The following DPP10 variants were observed in gnomAD, a reference collection of about 807,000 sequenced individuals.
The protein encoded by DPP10 is dipeptidyl peptidase like 10.
A neutral mutation model predicts 120.9 loss-of-function variants in DPP10; 33 were observed. The ratio of observed to expected loss-of-function variants is 0.27; its 90% confidence interval spans 0.21 to 0.37. The LOEUF is 0.37. DPP10 is among the 10% of genes least tolerant of loss of function. The probability of loss-of-function intolerance (pLI) is 1.00; values close to 1 mark genes in which losing one functional copy is unlikely to be tolerated. For missense variants in DPP10, 816 were observed against 942.8 expected (o/e 0.87, Z 1.76); for synonymous variants, 337 against 326.1 (o/e 1.03, Z -0.36).
At position 115,844,953 on chromosome 2, in the gene DPP10, G is replaced by T. The variant is rs534921415; in HGVS notation, c.*2608G>T. ...AGTTTCCTGACAGAACTAAAGGAAG[G>T]AATCACTCTTCAAAAGATGGATCTC... On this transcript the variant is annotated 3_prime_UTR_variant, in exon 26 of 26. Transcript: ENST00000410059. The T allele has an allele frequency of 7.8e-4, 119 of 152,262 alleles. 1 individual carries two copies. The highest frequency in any genetic ancestry group is 3.4e-3 in the Middle Eastern group (1 of 294). 9.4% of individuals were successfully genotyped at this position (152,262 alleles called of 1,614,324 possible).
chr2:115,682,825 T>C (rs980242544), intron 5 of DPP10, among the ~76,000 whole-genome samples: 1 of 151,852 alleles, frequency 6.6e-6, no homozygotes, highest in African/African-American at 2.4e-5. Context: ...GCATTTACAG[T>C]TAGAGAGTAT....
intron 1 of DPP10, among the ~76,000 whole-genome samples, chr2:114,552,730 G>C (rs969936595): frequency 6.6e-6 from 1 of 152,024 alleles, no homozygotes; most frequent in Non-Finnish European, 1.5e-5. Context: ...ATTTTTAGTA[G>C]AGATGGGGTT....
chr2:114,550,321 C>T (rs1573629443), intron 1 of DPP10, among the ~76,000 whole-genome samples: 1 of 152,194 alleles, frequency 6.6e-6, no homozygotes, highest in East Asian at 1.9e-4. Flanking sequence ...TACATATTTG[C>T]CAGGCACAGT....
intron 3 of DPP10, among the ~76,000 whole-genome samples, chr2:115,379,641 T>C (rs1445743524): frequency 6.6e-6 from 1 of 152,174 alleles, no homozygotes; most frequent in Non-Finnish European, 1.5e-5. Context: ...TTAATTGTGA[T>C]GTCAGGGTGT....
At chr2:114,693,000 C>G (rs1043995397) in intron 1 of DPP10, among the ~76,000 whole-genome samples, 27 of 152,012 alleles carry the variant, frequency 1.8e-4, no homozygotes, top group African/African-American at 6.3e-4. Flanking sequence ...CTTTTGAAGA[C>G]AGCATAGTGA....
chr2:115,780,086 G>C (rs970440760), intron 15 of DPP10, among the ~76,000 whole-genome samples: 57 of 151,978 alleles, frequency 3.8e-4, no homozygotes, highest in African/African-American at 1.3e-3. Context: ...CCTTTTGTCT[G>C]ATCAAGTTTT....
intron 4 of DPP10, among the ~76,000 whole-genome samples, chr2:115,508,342 T>C (rs914661915): frequency 7.5e-6 from 1 of 133,614 alleles, no homozygotes; most frequent in African/African-American, 2.5e-5. Flanking sequence ...CAATAGAAAA[T>C]AGGAGAGAAA....
chr2:115,586,924 G>T (rs978106041), intron 5 of DPP10, among the ~76,000 whole-genome samples: 1 of 151,840 alleles, frequency 6.6e-6, no homozygotes, highest in African/African-American at 2.4e-5. Flanking sequence ...AAGTATATAT[G>T]TGATGATTTG....
chr2:115,406,921 ATTG>A (rs1360913170), intron 3 of DPP10, among the ~76,000 whole-genome samples: 5 of 152,190 alleles, frequency 3.3e-5, no homozygotes, highest in African/African-American at 7.2e-5. Context: ...GAAAAATACT[ATTG>A]TTGTAGAAAA....
intron 1 of DPP10, among the ~76,000 whole-genome samples, chr2:115,062,440 A>G (rs1357071395): frequency 6.6e-6 from 1 of 152,212 alleles, no homozygotes; most frequent in Non-Finnish European, 1.5e-5. Flanking sequence ...ATAGGTAAAC[A>G]TGTTCCATGG....
At chr2:114,837,147 A>T (rs1687805795) in intron 1 of DPP10, among the ~76,000 whole-genome samples, 1 of 152,230 alleles carries the variant, frequency 6.6e-6, no homozygotes, top group Non-Finnish European at 1.5e-5. Flanking sequence ...AAAGACAGGC[A>T]TAGGAAATCA....
At chr2:114,931,686 G>T (rs1038593763) in intron 1 of DPP10, among the ~76,000 whole-genome samples, 2 of 152,160 alleles carry the variant, frequency 1.3e-5, no homozygotes, top group South Asian at 2.1e-4. Flanking sequence ...GGGGACTTAG[G>T]AGTATAGACC....
intron 2 of DPP10, among the ~76,000 whole-genome samples, chr2:115,329,440 CTTTATTT>C (rs2062570555): frequency 6.6e-6 from 1 of 151,700 alleles, no homozygotes; most frequent in South Asian, 2.1e-4. Flanking sequence ...TTCTTGCTTT[CTTTATTT>C]TTTATTTTAT....
At chr2:114,932,108 C>T (rs1422229146) in intron 1 of DPP10, among the ~76,000 whole-genome samples, 1 of 152,184 alleles carries the variant, frequency 6.6e-6, no homozygotes, top group Non-Finnish European at 1.5e-5. Context: ...AGAAAAGCAG[C>T]ATCTGTGTGT....
At chr2:115,458,707 A>G (rs1454173496) in intron 3 of DPP10, among the ~76,000 whole-genome samples, 1 of 152,164 alleles carries the variant, frequency 6.6e-6, no homozygotes, top group Non-Finnish European at 1.5e-5. Flanking sequence ...GATCAGGTAT[A>G]GTAAAATAAA....
intron 1 of DPP10, among the ~76,000 whole-genome samples, chr2:114,476,893 T>G (rs1028443054): frequency 5.9e-5 from 9 of 152,170 alleles, no homozygotes; most frequent in Admixed American, 1.3e-4. Flanking sequence ...CAGGAACTAA[T>G]TCTTAAAACC....
intron 3 of DPP10, among the ~76,000 whole-genome samples, chr2:115,449,578 A>G (rs1184423679): frequency 6.6e-6 from 1 of 152,104 alleles, no homozygotes; most frequent in Non-Finnish European, 1.5e-5. Flanking sequence ...GATGAGCATC[A>G]GATTTAGGAT....
chr2:114,616,317 G>A (rs979691537), intron 1 of DPP10, among the ~76,000 whole-genome samples: 1 of 152,076 alleles, frequency 6.6e-6, no homozygotes, highest in Non-Finnish European at 1.5e-5. Context: ...GGAATACGTT[G>A]GGCCAATGAG....
At chr2:114,985,634 T>C (rs982346903) in intron 1 of DPP10, among the ~76,000 whole-genome samples, 2 of 152,216 alleles carry the variant, frequency 1.3e-5, no homozygotes, top group Admixed American at 1.3e-4. Flanking sequence ...GCTGAGACCA[T>C]GGGCAATGAA....
Sources: allele counts gnomAD v4.1 joint callset (sites outside exome capture counted in the v4.1 genomes callset), GRCh38; gene constraint gnomAD v4.1.1; transcripts MANE v1.5; gene names NCBI Gene and HGNC (gene_info 2026-07-23, HGNC 2026-07-21).